Variants in CD300C observed in about 807,000 individuals in gnomAD.
CD300C encodes CMRF35-like molecule 6.
In CD300C, 11 loss-of-function variants were observed where a neutral mutation model predicts 18.4. That is an observed-to-expected ratio of 0.60 (90% CI 0.38 to 0.99). CD300C has a LOEUF of 0.99. CD300C is among the 50% of genes least tolerant of loss of function. The pLI is 0.01. For missense variants in CD300C, 277 were observed against 287.4 expected, an observed-to-expected ratio of 0.96 and a Z score of 0.26; for synonymous variants, 116 against 116.3, an observed-to-expected ratio of 1.00 and a Z score of 0.02.
intron 3 of CD300C, 130 bp from the exon 4 acceptor site, chr17:74,541,866 C>A (rs887186378): frequency 1.3e-5 from 12 of 934,612 alleles, no homozygotes; most frequent in Non-Finnish European, 1.7e-5. Context: ...CCTGGACAGT[C>A]CATCCCGTCT....
rs1049271682 is a variant in CD300C at position 74,544,859 on chromosome 17, C to T, written c.150G>A (p.Arg50=). ...GTCTGCACCAGAATTTGTTGAGGGT[C>T]CTGTGTTCCTTCTCATAGCGACACT... The part of the protein sequence containing the change: ...SVQCRYEKEH[R]TLNKFWCRPP... Residue 50 remains arginine (R), a synonymous_variant, in exon 2 of 4, where the codon AGG becomes AGA. Coordinates refer to ENST00000330793, the MANE Select transcript of CD300C (RefSeq NM_006678.5). 1.2e-6 allele frequency: 2 copies of T among 1,614,242 alleles called. No homozygotes were observed. The highest frequency in any genetic ancestry group is 8.5e-7 in the Non-Finnish European group (1 of 1,180,042).
chr17:74,543,124 G>T, intron 2 of CD300C, 137 bp from the exon 3 acceptor site: 1 of 1,225,128 alleles, frequency 8.2e-7, no homozygotes, highest in Non-Finnish European at 1.2e-6. Context: ...CATGCCCCAC[G>T]GCCACACCCA....
At position 74,544,629 on chromosome 17, in the gene CD300C, A is replaced by G. The variant is rs370897171; in HGVS notation, c.380T>C (p.Val127Ala). 43 of 1,612,108 alleles carry G rather than the reference A, an allele frequency of 2.7e-5. No individual in the cohort carries two copies. Among genetic ancestry groups the G allele is most frequent in the Admixed American group, 1.3e-4 (8 of 59,972 alleles). Residue 127 changes from valine to alanine, a missense_variant, in exon 2 of 4, where the codon GTT becomes GCT. By Grantham distance (64) the Val-to-Ala change is moderately conservative (BLOSUM62 0). Transcript: ENST00000330793. The stretch of plus-strand genomic sequence containing the variant: ...CTCACCCGGGAACACGGACACCTCA[A>G]CCTCGACAATGGGATCATGAAAGTC... ...LRDFHDPIVE[V>A]EVSVFPAGTT...
chr17:74,542,883 G>A lies in CD300C; in HGVS notation c.505C>T (p.Pro169Ser). Residue 169 changes from proline to serine, a missense_variant, in exon 3 of 4, where the codon CCC becomes TCC. Physicochemically the swap from Pro to Ser is moderately conservative, Grantham distance 74. Coordinates refer to ENST00000330793, the MANE Select transcript of CD300C (RefSeq NM_006678.5). ...TACCCAGGGTGTGGGCTGGGTTCGG[G>A]GCTGTCCTTTCTGGTCACGCTGGGC... ...TWPSVTRKDS[P>S]EPSPHPGSLF... 6.2e-7 allele frequency: 1 copy of A among 1,609,080 alleles called. No individual in the cohort carries two copies. Among genetic ancestry groups the A allele is most frequent in the Non-Finnish European group, 8.5e-7 (1 of 1,179,978 alleles).
downstream of CD300C, among the ~76,000 whole-genome samples, chr17:74,540,563 G>T (rs1370967725): frequency 6.6e-6 from 1 of 152,142 alleles, no homozygotes; most frequent in African/African-American, 2.4e-5. Context: ...CCCAGGCGAG[G>T]CCCTCCTTGA....
chr17:74,544,956 T>A lies in CD300C; in HGVS notation c.62-9A>T, dbSNP rs1908703014. ...GCTCAGAGGAAAATAGCCTGAAAAA[T>A]ACAAGCCAAAATCCTGTCTCCTTAC... is the stretch of plus-strand genomic sequence containing the variant. On this transcript the variant is annotated splice_polypyrimidine_tract_variant and intron_variant, in intron 1 of 3. Transcript: ENST00000330793. 2 of 1,598,214 alleles carry A rather than the reference T, an allele frequency of 1.3e-6. No individual in the cohort carries two copies. Among genetic ancestry groups the A allele is most frequent in the African/African-American group, 2.7e-5 (2 of 74,598 alleles).
intron 2 of CD300C, among the ~76,000 whole-genome samples, chr17:74,543,760 C>T (rs958870807): frequency 1.3e-5 from 2 of 152,160 alleles, no homozygotes; most frequent in African/African-American, 4.8e-5. Context: ...CACACTGAGG[C>T]CACTGGGTTT....
chr17:74,544,335 G>T (rs537571861), intron 2 of CD300C, among the ~76,000 whole-genome samples: 1 of 152,138 alleles, frequency 6.6e-6, no homozygotes, highest in South Asian at 2.1e-4. Context: ...GGCCCACAGC[G>T]GGGGGTCTCC....
At chr17:74,538,412 G>T (rs1427304284), downstream of CD300C, among the ~76,000 whole-genome samples, 1 of 152,150 alleles carries the variant, frequency 6.6e-6, no homozygotes, top group Non-Finnish European at 1.5e-5. Context: ...ACGGTGACAG[G>T]CAGTGAGTTA....
downstream of CD300C, among the ~76,000 whole-genome samples, chr17:74,539,232 T>G (rs912446506): frequency 1.3e-5 from 2 of 152,154 alleles, no homozygotes; most frequent in African/African-American, 4.8e-5. Context: ...CCTGGCACCA[T>G]GAAGGGGTCA....
rs909682310 is a variant in CD300C, at chr17:74,545,932, G to C, written c.-150C>G. 10 of 711,480 alleles carry C rather than the reference G, an allele frequency of 1.4e-5. No individual in the cohort carries two copies. In the African/African-American group the frequency reaches 1.8e-4, roughly 12 times the overall value. The allele number at this position is 711,480 out of a possible 1,614,324, so 44.1% of individuals were successfully genotyped here. On this transcript the variant is annotated 5_prime_UTR_variant, in exon 1 of 4. Transcript: ENST00000330793. ...CTGTCTCAGGTCTGAGGCTGGAGAG[G>C]GTCAGGGTACAGGAAGCTCAGGGAG...
intron 2 of CD300C, among the ~76,000 whole-genome samples, chr17:74,544,365 T>C (rs1346507307): frequency 6.6e-6 from 1 of 152,042 alleles, no homozygotes; most frequent in African/African-American, 2.4e-5. Context: ...GCCAGGGTGC[T>C]TTTGTGGGCG....
the CD300C span, among the ~76,000 whole-genome samples, chr17:74,534,997 A>G: frequency 6.6e-6 from 1 of 152,258 alleles, no homozygotes; most frequent in Non-Finnish European, 1.5e-5. Flanking sequence ...AACAAAAGAC[A>G]TGAGAATTAG....
Position 74,545,906 on chromosome 17 carries a change from C to T in CD300C, c.-124G>A. On this transcript the variant is annotated 5_prime_UTR_variant, in exon 1 of 4. Coordinates refer to ENST00000330793, the MANE Select transcript of CD300C (RefSeq NM_006678.5). ...TCTGCTCTCTGCTTCCTTGTCCAGC[C>T]CTGTCTCAGGTCTGAGGCTGGAGAG... is the stretch of plus-strand genomic sequence containing the variant. 1.2e-6 allele frequency: 1 copy of T among 851,690 alleles called. No individual in the cohort carries two copies. The highest frequency in any genetic ancestry group is 1.9e-6 in the Non-Finnish European group (1 of 533,990). 52.8% of individuals were successfully genotyped at this position (851,690 alleles called of 1,614,324 possible). A position where few individuals can be genotyped will look rare whatever the true frequency, so the allele number is the denominator to read the frequency against.
chr17:74,537,735 C>A (rs1327042383), downstream of CD300C, among the ~76,000 whole-genome samples: 1 of 152,116 alleles, frequency 6.6e-6, no homozygotes, highest in African/African-American at 2.4e-5. Flanking sequence ...ACAACATACC[C>A]TTTGGAAATC....
At chr17:74,543,061 AT>A in intron 2 of CD300C, 74 bp from the exon 3 acceptor site, 1 of 1,577,748 alleles carries the variant, frequency 6.3e-7, no homozygotes. Flanking sequence ...TTCTGCTCCA[AT>A]TTTCACAGAC....
chr17:74,545,322 G>A (rs1485203948), intron 1 of CD300C, among the ~76,000 whole-genome samples: 1 of 141,412 alleles, frequency 7.1e-6, no homozygotes, highest in Non-Finnish European at 1.6e-5. Context: ...GTGTGCATGT[G>A]TGACTGTGTG....
Position 74,544,696 on chromosome 17 carries a change from C to T in CD300C, c.313G>A (p.Ala105Thr), listed in dbSNP as rs1020693915. The change falls in exon 2 of 4, where the codon GCA (alanine) becomes ACA (threonine). Residue 105 changes from alanine to threonine, a missense_variant. By Grantham distance (58) the Ala-to-Thr change is moderately conservative. Coordinates refer to ENST00000330793, the MANE Select transcript of CD300C (RefSeq NM_006678.5). Reference protein sequence around the residue: ...VTLENLTEEDAGTYWCGVDTP... With the variant: ...VTLENLTEEDTGTYWCGVDTP... ...TCCACCCCACACCAGTAGGTGCCTG[C>T]GTCCTCCTCTGTGAGATTCTCCAGG... 4 of 1,614,112 alleles carry T rather than the reference C, an allele frequency of 2.5e-6. No individual in the cohort carries two copies. In the South Asian group the frequency reaches 3.3e-5, roughly 13 times the overall value.
downstream of CD300C, among the ~76,000 whole-genome samples, chr17:74,540,532 G>A (rs1908511812): frequency 6.6e-6 from 1 of 152,006 alleles, no homozygotes; most frequent in African/African-American, 2.4e-5. Flanking sequence ...TCTGCCGAAT[G>A]GAAAAAAGGG....
Sources: gnomAD v4.1 joint callset for allele counts (sites outside exome capture counted in the v4.1 genomes callset) on GRCh38, gnomAD v4.1.1 for gene constraint, MANE v1.5 for transcripts, NCBI Gene and HGNC (gene_info 2026-07-23, HGNC 2026-07-21) for gene names.